KLHL33: variants seen among roughly 807,000 people sequenced by gnomAD.
KLHL33 encodes kelch like family member 33.
In KLHL33, 46 loss-of-function variants were observed where a neutral mutation model predicts 60.8. The observed-to-expected ratio is 0.76, with a 90% CI of 0.60 to 0.97. The LOEUF is 0.97. Ranked by LOEUF, KLHL33 falls within the 50% of genes least tolerant of loss-of-function variation. The pLI is 0.00. For synonymous variants in KLHL33, 434 were observed against 432.2 expected (o/e 1.00, Z -0.05); for missense variants, 1,055 against 1,000.0 (o/e 1.05, Z -0.74).
At chr14:20,429,747 G>A in intron 3 of KLHL33, 48 bp downstream of exon 3, 1 of 1,524,648 alleles carries the variant, frequency 6.6e-7, no homozygotes, top group Non-Finnish European at 8.8e-7. Context: ...TTCTCTCCCT[G>A]CCCACCTTAG....
chr14:20,427,427 C>G lies in KLHL33; in HGVS notation c.*1422G>C, dbSNP rs1880324033. 6.6e-6 allele frequency: 1 copy of G among 152,154 alleles called. No individual in the cohort carries two copies. Among genetic ancestry groups the G allele is most frequent in the Admixed American group, 6.5e-5 (1 of 15,278 alleles). 9.4% of individuals were successfully genotyped at this position (152,154 alleles called of 1,614,324 possible). On this transcript the variant is annotated 3_prime_UTR_variant, in exon 5 of 5. Coordinates refer to ENST00000636854, the MANE Select transcript of KLHL33 (RefSeq NM_001365790.2). ...AAGAGCAGCAGAATTATCTGAAAAG[C>G]CTCTGGAATACCCACTTCCTCTTTG...
Position 20,429,314 on chromosome 14 carries a change from C to T in KLHL33, c.1929G>A (p.Gly643=), listed in dbSNP as rs1880406116. The change falls in exon 5 of 5, where the codon GGG becomes GGA. Residue 643 remains glycine (G), a synonymous_variant. Coordinates refer to ENST00000636854, the MANE Select transcript of KLHL33 (RefSeq NM_001365790.2). ...TCAGTGAGGCCAGGTATTGGCCAGTCCCACCACAGCCACCGCTCACGTACA... is the reference window on the plus strand; with the variant it reads ...TCAGTGAGGCCAGGTATTGGCCAGTTCCACCACAGCCACCGCTCACGTACA... The part of the protein sequence containing the change: ...GQLYVSGGCG[G]TGQYLASLMH... 4 of 1,551,568 alleles carry T rather than the reference C, an allele frequency of 2.6e-6. No individual in the cohort carries two copies. The highest frequency in any genetic ancestry group is 3.5e-6 in the Non-Finnish European group (4 of 1,146,998).
Position 20,429,911 on chromosome 14 carries a change from G to C in KLHL33, c.1557C>G (p.Ala519=). 6.4e-7 allele frequency: 1 copy of C among 1,551,780 alleles called. No individual in the cohort carries two copies. The highest frequency in any genetic ancestry group is 8.7e-7 in the Non-Finnish European group (1 of 1,147,036). The change falls in exon 3 of 5, where the codon GCC becomes GCG. Residue 519 remains alanine (A), a synonymous_variant. Transcript: ENST00000636854. Reference sequence around the variant, plus strand: ...GCCGGAAGCGTCCGGGGGCAGGCAGGGCAGGCAGCTGCCCCCACTCAACAG... The same window carrying C: ...GCCGGAAGCGTCCGGGGGCAGGCAGCGCAGGCAGCTGCCCCCACTCAACAG... ...VRTVEWGQLP[A]LPAPGRFRHG...
Position 20,430,718 on chromosome 14 carries a change from C to T in KLHL33, c.750G>A (p.Val250=). The T allele has an allele frequency of 1.3e-6, 2 of 1,510,904 alleles. No homozygotes were observed. The highest frequency in any genetic ancestry group is 1.8e-6 in the Non-Finnish European group (2 of 1,133,366). 93.6% of individuals were successfully genotyped at this position (1,510,904 alleles called of 1,614,324 possible). A position where few individuals can be genotyped will look rare whatever the true frequency, so the allele number is the denominator to read the frequency against. Residue 250 remains valine, a splice_region_variant and synonymous_variant, in exon 3 of 5, where the codon GTG becomes GTA. Coordinates refer to ENST00000636854, the MANE Select transcript of KLHL33 (RefSeq NM_001365790.2). ...KLEAGGCQLS[V]HRAALACGSE... ...TGCCACAGGCCAGGGCGGCTCGGTGCACTGCAGGAGGGGAGAAGGAATAGA... is the reference window on the plus strand; with the variant it reads ...TGCCACAGGCCAGGGCGGCTCGGTGTACTGCAGGAGGGGAGAAGGAATAGA...
At chr14:20,430,856 T>C in intron 2 of KLHL33, 137 bp from the exon 3 acceptor site, 1 of 616,356 alleles carries the variant, frequency 1.6e-6, no homozygotes, top group Non-Finnish European at 2.8e-6. Flanking sequence ...GACCAAACTG[T>C]GGTGTGCATC....
In KLHL33 at chr14:20,435,281, C is replaced by T; in HGVS notation, c.531G>A (p.Ser177=). The T allele has an allele frequency of 1.6e-6, 2 of 1,234,418 alleles. No individual in the cohort carries two copies. The highest frequency in any genetic ancestry group is 2.0e-6 in the Non-Finnish European group (2 of 988,212). 76.5% of individuals were successfully genotyped at this position (1,234,418 alleles called of 1,614,324 possible). A position where few individuals can be genotyped will look rare whatever the true frequency, so the allele number is the denominator to read the frequency against. ...FAYEGVLGPA[S]QGDVLAAAEA... Reference sequence around the variant, plus strand: ...CTGCTGCGGCCAGCACATCCCCCTGCGAGGCGGGGCCCAGCACCCCCTCAT... The same window carrying T: ...CTGCTGCGGCCAGCACATCCCCCTGTGAGGCGGGGCCCAGCACCCCCTCAT... Residue 177 remains serine, a synonymous_variant, in exon 2 of 5, where the codon TCG becomes TCA. Coordinates refer to ENST00000636854, the MANE Select transcript of KLHL33 (RefSeq NM_001365790.2).
At position 20,429,987 on chromosome 14, in the gene KLHL33, C is replaced by G. The variant is rs369825651; in HGVS notation, c.1481G>C (p.Arg494Pro). The part of the protein sequence containing the change: ...RPDMALRQPS[R>P]AVWWARAFRC... ...GAAGGCCCGGGCCCACCACACTGCT[C>G]GGGATGGTTGTCTTAGGGCCATGTC... is the stretch of plus-strand genomic sequence containing the variant. Residue 494 changes from arginine to proline, a missense_variant, in exon 3 of 5, where the codon CGA (arginine) becomes CCA (proline). By Grantham distance (103) the Arg-to-Pro change is moderately radical. Transcript: ENST00000636854. 10 of 1,551,682 alleles carry G rather than the reference C, an allele frequency of 6.4e-6. 1 individual carries two copies. In the Admixed American group the frequency reaches 7.8e-5, roughly 12 times the overall value.
chr14:20,430,454 A>G lies in KLHL33; in HGVS notation c.1014T>C (p.Arg338=), dbSNP rs1880471295. The change falls in exon 3 of 5, where the codon CGT becomes CGC. Residue 338 remains arginine (R), a synonymous_variant. Transcript: ENST00000636854. ...KGLARGLSPA[R]CLALFPMAEA... Reference sequence around the variant, plus strand: ...CCGCCATGGGGAACAGGGCCAGGCAACGGGCAGGGCTGAGGCCCCGTGCCA... The same window carrying G: ...CCGCCATGGGGAACAGGGCCAGGCAGCGGGCAGGGCTGAGGCCCCGTGCCA... The G allele has an allele frequency of 1.9e-6, 3 of 1,551,454 alleles. No homozygotes were observed. The highest frequency in any genetic ancestry group is 3.9e-5 in the Admixed American group (2 of 50,990).
chr14:20,436,016 G>A, intron 1 of KLHL33, 83 bp downstream of exon 1: 1 of 400,834 alleles, frequency 2.5e-6, no homozygotes, highest in Non-Finnish European at 4.3e-6. Flanking sequence ...TGCACGCGGT[G>A]CAGTGAAACA....
Position 20,435,754 on chromosome 14 carries a change from CGGG to C in KLHL33, c.55_57del (p.Pro19del). On this transcript the variant is annotated inframe_deletion, in exon 2 of 5. Coordinates refer to ENST00000636854, the MANE Select transcript of KLHL33 (RefSeq NM_001365790.2). Reference sequence around the variant, plus strand: ...AGGAGTCCAAGGCAGTCCCTCTGGACGGGATGAGAGACACTCTCCAGCTCAGGG... The same window carrying C: ...AGGAGTCCAAGGCAGTCCCTCTGGACATGAGAGACACTCTCCAGCTCAGGG... 6 of 1,234,374 alleles carry C rather than the reference CGGG, an allele frequency of 4.9e-6. No homozygotes were observed. The highest frequency in any genetic ancestry group is 6.1e-6 in the Non-Finnish European group (6 of 988,182). The allele number at this position is 1,234,374 out of a possible 1,614,324, so 76.5% of individuals were successfully genotyped here.
At chr14:20,435,014 T>C (rs922448270) in intron 2 of KLHL33, 50 bp downstream of exon 2, 2 of 1,224,108 alleles carry the variant, frequency 1.6e-6, no homozygotes, top group Non-Finnish European at 2.0e-6. Context: ...GCACACACCA[T>C]TCCGTTAGCA....
At position 20,435,117 on chromosome 14, in the gene KLHL33, C is replaced by G. The variant is rs1278055954; in HGVS notation, c.695G>C (p.Arg232Pro). ...ENLRGIELLY[R>P]EGVGCDLKLE... ...CTTCAAGTCACACCCGACGCCCTCT[C>G]GGTAGAGGAGCTCGATTCCGCGCAG... Residue 232 changes from arginine to proline, a missense_variant, in exon 2 of 5, where the codon CGA (arginine) becomes CCA (proline). Physicochemically the swap from Arg to Pro is moderately radical, Grantham distance 103. Coordinates refer to ENST00000636854, the MANE Select transcript of KLHL33 (RefSeq NM_001365790.2). 1.6e-6 allele frequency: 2 copies of G among 1,234,358 alleles called. No homozygotes were observed. The highest frequency in any genetic ancestry group is 2.0e-6 in the Non-Finnish European group (2 of 988,206). The allele number at this position is 1,234,358 out of a possible 1,614,324, so 76.5% of individuals were successfully genotyped here.
At chr14:20,432,964 A>AAGAAAGAG (rs1555330522) in intron 2 of KLHL33, among the ~76,000 whole-genome samples, 39 of 151,666 alleles carry the variant, frequency 2.6e-4, no homozygotes, top group African/African-American at 9.2e-4. Context: ...GAAAGAAAGA[A>AAGAAAGAG]AGAAAGAAAG....
rs1489622110 is a variant in KLHL33, at chr14:20,428,908, G to A, written c.2335C>T (p.Pro779Ser). 6.4e-7 allele frequency: 1 copy of A among 1,551,626 alleles called. No individual in the cohort carries two copies. The highest frequency in any genetic ancestry group is 1.4e-5 in the African/African-American group (1 of 73,058). The change falls in exon 5 of 5, where the codon CCC (proline) becomes TCC (serine). Residue 779 changes from proline to serine, a missense_variant. By Grantham distance (74) the Pro-to-Ser change is moderately conservative. Transcript: ENST00000636854. ...ACCAAAGCTATGTGCTGCACAGCGG[G>A]CAGTGTCAGGATGCAGGCAGGCATC... Reference protein sequence around the residue: ...AEMPACILTLPAVQHIALVPT... With the variant: ...AEMPACILTLSAVQHIALVPT...
rs1880452347 is a variant in KLHL33 at position 20,430,132 on chromosome 14, G to A, written c.1336C>T (p.Pro446Ser). Residue 446 changes from proline (P) to serine (S), a missense_variant, in exon 3 of 5, where the codon CCA becomes TCA. Coordinates refer to ENST00000636854, the MANE Select transcript of KLHL33 (RefSeq NM_001365790.2). ...TGCAACAGATCTGGGGTCAGGGGTG[G>A]AAGTAGCCCGGCTGCCCGCACCCTC... ...LRRVRAAGLL[P>S]PLTPDLLHQL... is the part of the protein sequence containing the mutation. 2 of 1,551,472 alleles carry A rather than the reference G, an allele frequency of 1.3e-6. No individual in the cohort carries two copies. The highest frequency in any genetic ancestry group is 2.4e-5 in the East Asian group (1 of 40,930).
chr14:20,430,563 G>T lies in KLHL33; in HGVS notation c.905C>A (p.Ala302Glu). Residue 302 changes from alanine to glutamate, a missense_variant, in exon 3 of 5, where the codon GCA becomes GAA. Transcript: ENST00000636854. Reference sequence around the variant, plus strand: ...AGCTCTCAGTAGCCCTGGCCACCTTGCCCGCACAACTCCGGAGTAAGCAAA... The same window carrying T: ...AGCTCTCAGTAGCCCTGGCCACCTTTCCCGCACAACTCCGGAGTAAGCAAA... ...VSFAYSGVVR[A>E]RWPGLLRAAQ... 1 of 1,540,032 alleles carries T rather than the reference G, an allele frequency of 6.5e-7. No individual in the cohort carries two copies.
chr14:20,429,423 G>A (rs1293779738), intron 4 of KLHL33, 22 bp from the exon 5 acceptor site: 67 of 1,550,252 alleles, frequency 4.3e-5, no homozygotes, highest in Middle Eastern at 1.7e-4. Flanking sequence ...CAGGACACAA[G>A]ATAAGGCAAC....
chr14:20,433,137 G>A (rs975375635), intron 2 of KLHL33, among the ~76,000 whole-genome samples: 1 of 152,104 alleles, frequency 6.6e-6, no homozygotes, highest in African/African-American at 2.4e-5. Flanking sequence ...TGAGTAAAAT[G>A]TCATGAATTT....
chr14:20,433,794 T>C (rs1880596001), intron 2 of KLHL33, among the ~76,000 whole-genome samples: 1 of 152,156 alleles, frequency 6.6e-6, no homozygotes, highest in African/African-American at 2.4e-5. Flanking sequence ...TAAATGAAAA[T>C]AGACTTTTGG....
Sources: allele counts gnomAD v4.1 joint callset (sites outside exome capture counted in the v4.1 genomes callset), GRCh38; gene constraint gnomAD v4.1.1; transcripts MANE v1.5; gene names NCBI Gene and HGNC (gene_info 2026-07-23, HGNC 2026-07-21).